PCYT1B: variants seen among roughly 807,000 people sequenced by gnomAD.
PCYT1B encodes the protein phosphate cytidylyltransferase 1B, choline.
PCYT1B carries 10 observed loss-of-function variants against 26.4 expected under a neutral mutation model. The ratio of observed to expected loss-of-function variants is 0.38; its 90% CI spans 0.23 to 0.64. The LOEUF (loss-of-function observed/expected upper bound fraction) is 0.64. Among genes scored for constraint, PCYT1B ranks in the 30% least tolerant of loss-of-function variants. The pLI, the probability that PCYT1B is intolerant of heterozygous loss-of-function variation, is 0.56. For synonymous variants in PCYT1B, 131 were observed against 108.4 expected (o/e 1.21, Z -1.29); for missense variants, 161 against 292.7 (o/e 0.55, Z 3.28).
intron 1 of PCYT1B, among the ~76,000 whole-genome samples, chrX:24,630,462 A>AT (rs1181827658): frequency 9.0e-6 from 1 of 110,539 alleles, no homozygotes; most frequent in East Asian, 2.8e-4. Flanking sequence ...CGCCCGGCTA[A>AT]TTTTTTGTAT....
chrX:24,625,462 A>AG (rs1925854371), intron 1 of PCYT1B, among the ~76,000 whole-genome samples: 1 of 110,661 alleles, frequency 9.0e-6, no homozygotes, highest in African/African-American at 3.3e-5. Flanking sequence ...GTCACTGATT[A>AG]TGTAGACTCT....
upstream of PCYT1B, among the ~76,000 whole-genome samples, chrX:24,648,593 A>AT (rs1433783537): frequency 9.3e-6 from 1 of 107,418 alleles, no homozygotes; most frequent in Admixed American, 1.0e-4. Context: ...TACATCTTTC[A>AT]TTTTTATCTA....
At chrX:24,671,596 G>T (rs1025564153) in intron 1 of PCYT1B, among the ~76,000 whole-genome samples, 6 of 111,198 alleles carry the variant, frequency 5.4e-5, no homozygotes, top group African/African-American at 2.0e-4. Context: ...ATTCCAAGGG[G>T]CATGAGAAGG....
intron 3 of PCYT1B, among the ~76,000 whole-genome samples, chrX:24,600,024 C>T (rs1280509352): frequency 9.0e-6 from 1 of 110,806 alleles, no homozygotes; most frequent in Admixed American, 9.7e-5. Context: ...TCTCCCACCT[C>T]AGCCTCCCTA....
intron 1 of PCYT1B, among the ~76,000 whole-genome samples, chrX:24,625,518 G>C (rs1442665564): frequency 9.2e-6 from 1 of 109,259 alleles, no homozygotes; most frequent in African/African-American, 3.3e-5. Flanking sequence ...AATGTCACTG[G>C]AGAGAAGAAA....
At chrX:24,566,755 T>C (rs1434737119) in intron 7 of PCYT1B, among the ~76,000 whole-genome samples, 1 of 111,492 alleles carries the variant, frequency 9.0e-6, no homozygotes, top group Non-Finnish European at 1.9e-5. Context: ...CATTTTTCCT[T>C]TCTAAGCTCT....
intron 3 of PCYT1B, among the ~76,000 whole-genome samples, chrX:24,593,424 CT>C: frequency 1.2e-5 from 1 of 80,701 alleles, no homozygotes; most frequent in East Asian, 3.3e-4. Context: ...TTCTCTCTTT[CT>C]TTCTTTCCTT....
chrX:24,613,518 G>A (rs1160086143), intron 2 of PCYT1B, among the ~76,000 whole-genome samples: 2 of 111,909 alleles, frequency 1.8e-5, no homozygotes, highest in Non-Finnish European at 3.8e-5. Flanking sequence ...CATCACAGAT[G>A]ATACATGAAT....
chrX:24,637,491 A>AAAAAAAAAATAT, intron 1 of PCYT1B, among the ~76,000 whole-genome samples: 2 of 52,894 alleles, frequency 3.8e-5, no homozygotes, highest in African/African-American at 1.5e-4. Context: ...AAAAAAAAAA[A>AAAAAAAAAATAT]ATATATATAT....
At chrX:24,564,250 G>GA (rs772835417) in intron 7 of PCYT1B, among the ~76,000 whole-genome samples, 1 of 111,283 alleles carries the variant, frequency 9.0e-6, no homozygotes, top group South Asian at 3.8e-4. Flanking sequence ...GCAGTGTGCT[G>GA]AAAAATGGCA....
At chrX:24,638,296 C>G (rs1926358691) in intron 1 of PCYT1B, among the ~76,000 whole-genome samples, 1 of 111,545 alleles carries the variant, frequency 9.0e-6, no homozygotes, top group African/African-American at 3.3e-5. Flanking sequence ...CGCACACTAC[C>G]AGGGCTCACT....
intron 3 of PCYT1B, among the ~76,000 whole-genome samples, chrX:24,592,617 G>C (rs1602165089): frequency 9.0e-6 from 1 of 111,096 alleles, no homozygotes; most frequent in Non-Finnish European, 1.9e-5. Flanking sequence ...TCATTGGCCA[G>C]AATGAGCCTG....
In PCYT1B at chrX:24,616,847, C is replaced by T. The variant is rs148919734; in HGVS notation, c.217+2138G>A. On this transcript the variant is annotated intron_variant, in intron 2 of 7. Transcript: ENST00000379144. ...CTCACACGAAAGCTTCCTAACTCTG[C>T]CTACTCTGCTCCTCACTTCACTCTA... Among the ~76,000 whole-genome samples the T allele has an allele frequency of 6.9e-3, 779 of 112,126 alleles. 4 individuals are homozygous for T. Among genetic ancestry groups the T allele is most frequent in the Non-Finnish European group, 0.012 (623 of 53,194 alleles).
chrX:24,576,264 A>T (rs1043175210), intron 6 of PCYT1B, among the ~76,000 whole-genome samples: 12 of 111,737 alleles, frequency 1.1e-4, no homozygotes, highest in African/African-American at 3.9e-4. Context: ...AAGGCTTATC[A>T]TTTTTCTTTA....
intron 3 of PCYT1B, among the ~76,000 whole-genome samples, chrX:24,606,887 A>G (rs1224179762): frequency 1.9e-5 from 2 of 105,113 alleles, no homozygotes; most frequent in Non-Finnish European, 4.0e-5. Flanking sequence ...CAAACAAACA[A>G]AGTGGTTTTT....
chrX:24,643,337 C>G (rs1019687719), intron 1 of PCYT1B, among the ~76,000 whole-genome samples: 1 of 111,655 alleles, frequency 9.0e-6, no homozygotes, highest in African/African-American at 3.3e-5. Context: ...AGTTTCTCAT[C>G]TTGACAGTCA....
At chrX:24,658,344 G>A (rs1926966481) in intron 1 of PCYT1B, 1 of 111,012 alleles carries the variant, frequency 9.0e-6, no homozygotes, top group Admixed American at 9.7e-5. Context: ...TACGGCTGCT[G>A]TAACAATGTA....
At chrX:24,571,939 C>T (rs1052743288) in intron 7 of PCYT1B, among the ~76,000 whole-genome samples, 1 of 110,770 alleles carries the variant, frequency 9.0e-6, no homozygotes, top group Admixed American at 9.7e-5. Flanking sequence ...CAGAGTGAGA[C>T]CCTGCTTTAA....
At chrX:24,615,814 G>T (rs1356603430) in intron 2 of PCYT1B, among the ~76,000 whole-genome samples, 1 of 111,970 alleles carries the variant, frequency 8.9e-6, no homozygotes, top group Non-Finnish European at 1.9e-5. Context: ...GCATGGCATA[G>T]TCCTGCCACT....
Sources: allele counts gnomAD v4.1 joint callset (sites outside exome capture counted in the v4.1 genomes callset), GRCh38; gene constraint gnomAD v4.1.1; transcripts MANE v1.5; gene names NCBI Gene and HGNC (gene_info 2026-07-23, HGNC 2026-07-21).